The following RBFOX1 variants were observed in gnomAD, a reference collection of about 807,000 sequenced individuals.
The protein encoded by RBFOX1 is RNA binding protein fox-1 homolog 1.
A neutral mutation model predicts 57.7 loss-of-function variants in RBFOX1; 8 were observed. That is an observed-to-expected ratio of 0.14 (90% CI 0.08 to 0.25). RBFOX1 has a LOEUF of 0.25. RBFOX1 is among the 10% of genes least tolerant of loss of function. The pLI, the probability that RBFOX1 is intolerant of heterozygous loss-of-function variation, is 1.00. For synonymous variants in RBFOX1, 326 were observed against 222.4 expected (o/e 1.47, Z -4.15); for missense variants, 611 against 548.5 (o/e 1.11, Z -1.14).
chr16:6,434,522 A>T (rs2094182476), intron 2 of RBFOX1, among the ~76,000 whole-genome samples: 1 of 152,206 alleles, frequency 6.6e-6, no homozygotes, highest in Non-Finnish European at 1.5e-5. Context: ...CGATTAGCTC[A>T]TGTATGTAAT....
intron 4 of RBFOX1, among the ~76,000 whole-genome samples, chr16:5,889,699 C>T (rs1420924736): frequency 6.6e-6 from 1 of 152,228 alleles, no homozygotes; most frequent in African/African-American, 2.4e-5. Flanking sequence ...GAGCGCCTGT[C>T]CGTGGCAGCC....
chr16:7,559,832 C>A (rs1337618161), intron 5 of RBFOX1, among the ~76,000 whole-genome samples: 3 of 152,114 alleles, frequency 2.0e-5, no homozygotes, highest in African/African-American at 7.2e-5. Flanking sequence ...ATTCACAAAT[C>A]CCCATTTTAA....
chr16:6,018,963 G>A (rs982558987), upstream of RBFOX1: 34 of 481,886 alleles, frequency 7.1e-5, no homozygotes, highest in Admixed American at 1.7e-3. Flanking sequence ...GGCTGCACGC[G>A]TGACCGCGGC....
At chr16:6,875,868 C>G (rs1019657905) in intron 3 of RBFOX1, among the ~76,000 whole-genome samples, 1 of 152,050 alleles carries the variant, frequency 6.6e-6, no homozygotes, top group Non-Finnish European at 1.5e-5. Context: ...CATGGTGGTC[C>G]ATGCGTGGAA....
At chr16:7,052,740 A>G (rs765945504) in intron 4 of RBFOX1, among the ~76,000 whole-genome samples, 4 of 152,142 alleles carry the variant, frequency 2.6e-5, no homozygotes, top group Non-Finnish European at 4.4e-5. Context: ...TTCTGCTTTC[A>G]TTGTGTCAGA....
chr16:6,633,677 T>G (rs72762959), intron 2 of RBFOX1, among the ~76,000 whole-genome samples: 30,122 of 151,992 alleles, frequency 0.2, 3,094 homozygotes, highest in Non-Finnish European at 0.22. Flanking sequence ...AGCCAGTTAC[T>G]GATGGCTGTA....
intron 3 of RBFOX1, among the ~76,000 whole-genome samples, chr16:6,915,812 A>G (rs2073023062): frequency 6.6e-6 from 1 of 152,120 alleles, no homozygotes; most frequent in Non-Finnish European, 1.5e-5. Flanking sequence ...CTGGCCTCGC[A>G]AAGTCCTGTA....
chr16:6,117,901 T>C (rs1027128777), intron 1 of RBFOX1, among the ~76,000 whole-genome samples: 2 of 152,224 alleles, frequency 1.3e-5, no homozygotes, highest in Non-Finnish European at 2.9e-5. Flanking sequence ...TTAAATATTT[T>C]CTTCTAAACA....
At chr16:6,567,653 C>T (rs1182930241) in intron 2 of RBFOX1, among the ~76,000 whole-genome samples, 2 of 152,144 alleles carry the variant, frequency 1.3e-5, no homozygotes, top group African/African-American at 4.8e-5. Flanking sequence ...CCCAGCACTA[C>T]ACCAGTGCCT....
intron 1 of RBFOX1, among the ~76,000 whole-genome samples, chr16:6,046,355 T>A (rs1369660284): frequency 6.6e-6 from 1 of 152,148 alleles, no homozygotes; most frequent in Non-Finnish European, 1.5e-5. Flanking sequence ...TAGTAATGAT[T>A]TACTCACATG....
At chr16:5,285,155 C>G (rs973074147) in intron 1 of RBFOX1, among the ~76,000 whole-genome samples, 2 of 152,066 alleles carry the variant, frequency 1.3e-5, no homozygotes, top group African/African-American at 4.8e-5. Flanking sequence ...ACTCTTTTTT[C>G]TTTCTTTTTG....
intron 1 of RBFOX1, among the ~76,000 whole-genome samples, chr16:5,403,756 T>G (rs1472114583): frequency 6.6e-6 from 1 of 152,210 alleles, no homozygotes; most frequent in South Asian, 2.1e-4. Flanking sequence ...AATGCTCTGA[T>G]GTCTTCTATG....
At chr16:6,864,008 G>C (rs1349931213) in intron 3 of RBFOX1, among the ~76,000 whole-genome samples, 1 of 79,782 alleles carries the variant, frequency 1.3e-5, no homozygotes, top group Non-Finnish European at 2.6e-5. Flanking sequence ...TTTTTTTGTT[G>C]AGATTATGCC....
At chr16:5,834,514 C>G (rs555987271) in intron 3 of RBFOX1, among the ~76,000 whole-genome samples, 2 of 151,950 alleles carry the variant, frequency 1.3e-5, no homozygotes, top group Non-Finnish European at 2.9e-5. Flanking sequence ...TTGATGGGCA[C>G]TTGGTTTGTT....
intron 2 of RBFOX1, among the ~76,000 whole-genome samples, chr16:5,533,629 C>T (rs955798249): frequency 2.0e-5 from 3 of 152,146 alleles, no homozygotes; most frequent in African/African-American, 7.2e-5. Flanking sequence ...TATTATCACT[C>T]CTGATGAAGA....
intron 3 of RBFOX1, among the ~76,000 whole-genome samples, chr16:6,805,458 G>T (rs1421651605): frequency 6.6e-6 from 1 of 152,044 alleles, no homozygotes; most frequent in Non-Finnish European, 1.5e-5. Flanking sequence ...GTACCTGGGT[G>T]GTGAAATAAT....
intron 4 of RBFOX1, among the ~76,000 whole-genome samples, chr16:5,914,420 A>G (rs1261999329): frequency 6.6e-6 from 1 of 152,124 alleles, no homozygotes; most frequent in Non-Finnish European, 1.5e-5. Context: ...ATCCTGACTG[A>G]GGCTAGAGAA....
chr16:6,194,147 G>A (rs971579599), intron 1 of RBFOX1, among the ~76,000 whole-genome samples: 2 of 152,074 alleles, frequency 1.3e-5, no homozygotes, highest in Non-Finnish European at 2.9e-5. Context: ...TCTCTCAGTT[G>A]ATGGCCCTCA....
chr16:6,812,248 A>G (rs12919999), intron 3 of RBFOX1, among the ~76,000 whole-genome samples: 73,413 of 152,028 alleles, frequency 0.48, 18,055 homozygotes, highest in Non-Finnish European at 0.52. Flanking sequence ...CTGTTTTGTT[A>G]AGAAATTTGT....
Sources: allele counts gnomAD v4.1 joint callset (sites outside exome capture counted in the v4.1 genomes callset), GRCh38; gene constraint gnomAD v4.1.1; transcripts MANE v1.5; gene names NCBI Gene and HGNC (gene_info 2026-07-23, HGNC 2026-07-21).